Variants in DLG2 observed in about 807,000 individuals in gnomAD.
The protein encoded by DLG2 is discs large MAGUK scaffold protein 2, also known as disks large homolog 2.
Under a neutral mutation model 132.5 loss-of-function variants are expected in DLG2, and 45 were observed. The observed-to-expected ratio is 0.34, with a 90% CI of 0.27 to 0.44. The LOEUF (loss-of-function observed/expected upper bound fraction) is 0.44. DLG2 is among the 20% of genes least tolerant of loss of function. DLG2 has a pLI of 1.00. For missense variants in DLG2, 1,045 were observed against 1,196.9 expected (o/e 0.87, Z 1.87); for synonymous variants, 424 against 419.6 (o/e 1.01, Z -0.13).
chr11:83,771,606 G>A (rs967003973), intron 18 of DLG2, among the ~76,000 whole-genome samples: 3 of 152,088 alleles, frequency 2.0e-5, no homozygotes, highest in Non-Finnish European at 2.9e-5. Flanking sequence ...GTAACACAAC[G>A]TAAGTATTTG....
At chr11:83,821,082 C>G (rs1234705326) in intron 17 of DLG2, among the ~76,000 whole-genome samples, 2 of 152,170 alleles carry the variant, frequency 1.3e-5, no homozygotes, top group African/African-American at 2.4e-5. Context: ...GGGTTAGGTT[C>G]TGGGATGCAA....
At chr11:83,747,710 T>G (rs1349365103) in intron 18 of DLG2, among the ~76,000 whole-genome samples, 1 of 152,020 alleles carries the variant, frequency 6.6e-6, no homozygotes, top group Middle Eastern at 3.2e-3. Context: ...ATTTATTTTA[T>G]AAGCATATTT....
At chr11:84,676,579 A>C (rs1217683259) in intron 6 of DLG2, among the ~76,000 whole-genome samples, 23 of 152,082 alleles carry the variant, frequency 1.5e-4, no homozygotes, top group Non-Finnish European at 2.9e-5. Context: ...TTATACATAT[A>C]GAGCAGTTCT....
intron 8 of DLG2, among the ~76,000 whole-genome samples, chr11:84,192,748 A>T (rs2096437934): frequency 6.6e-6 from 1 of 151,382 alleles, no homozygotes; most frequent in African/African-American, 2.4e-5. Context: ...AAAAAATAAA[A>T]AAATAAAAGA....
chr11:84,098,089 C>T (rs1199872901), intron 10 of DLG2, among the ~76,000 whole-genome samples: 2 of 147,926 alleles, frequency 1.4e-5, no homozygotes, highest in African/African-American at 5.1e-5. Flanking sequence ...CACTCTGTCA[C>T]CCAGGCGGGA....
At chr11:84,009,970 T>C (rs1203099756) in intron 11 of DLG2, among the ~76,000 whole-genome samples, 1 of 152,236 alleles carries the variant, frequency 6.6e-6, no homozygotes, top group South Asian at 2.1e-4. Flanking sequence ...GCAAAGCCTT[T>C]CTTCCTAAGC....
At chr11:84,875,144 C>T (rs988158857) in intron 6 of DLG2, among the ~76,000 whole-genome samples, 8 of 151,398 alleles carry the variant, frequency 5.3e-5, no homozygotes, top group African/African-American at 1.2e-4. Context: ...GGGGCCAATT[C>T]GTGATATTAA....
At chr11:84,080,073 C>T (rs1483114471) in intron 10 of DLG2, among the ~76,000 whole-genome samples, 1 of 152,140 alleles carries the variant, frequency 6.6e-6, no homozygotes, top group Non-Finnish European at 1.5e-5. Flanking sequence ...AGGTTGATTA[C>T]CGTGTTGGGT....
At chr11:84,295,424 C>T (rs977999875) in intron 7 of DLG2, among the ~76,000 whole-genome samples, 109 of 152,226 alleles carry the variant, frequency 7.2e-4, no homozygotes, top group African/African-American at 2.5e-3. Context: ...TGCATCCAGG[C>T]TGCCACTTTT....
chr11:84,182,861 A>T (rs1222340409), intron 8 of DLG2, among the ~76,000 whole-genome samples: 1 of 149,680 alleles, frequency 6.7e-6, no homozygotes, highest in African/African-American at 2.5e-5. Context: ...AGGCTAATTA[A>T]GAAAAAAAAT....
intron 6 of DLG2, among the ~76,000 whole-genome samples, chr11:84,861,958 T>A (rs1566184555): frequency 1.4e-5 from 2 of 145,210 alleles, no homozygotes; most frequent in South Asian, 4.3e-4. Context: ...ACACCGCATA[T>A]TCTCACTCAC....
chr11:84,796,237 T>C (rs1440545686), intron 6 of DLG2, among the ~76,000 whole-genome samples: 2 of 152,204 alleles, frequency 1.3e-5, no homozygotes, highest in African/African-American at 4.8e-5. Flanking sequence ...CACTACTATG[T>C]ACCAACAAAA....
intron 7 of DLG2, among the ~76,000 whole-genome samples, chr11:84,396,255 A>G (rs1261593026): frequency 2.0e-5 from 3 of 152,198 alleles, no homozygotes; most frequent in African/African-American, 7.2e-5. Flanking sequence ...GCTACTCTAT[A>G]TATTCAAAGT....
chr11:84,712,855 A>T (rs1020152303), intron 6 of DLG2, among the ~76,000 whole-genome samples: 2 of 152,120 alleles, frequency 1.3e-5, no homozygotes, highest in African/African-American at 2.4e-5. Flanking sequence ...GTTCAGAGTT[A>T]GAGGTCATGA....
At chr11:85,113,076 T>G (rs1405946226) in intron 5 of DLG2, among the ~76,000 whole-genome samples, 7 of 152,158 alleles carry the variant, frequency 4.6e-5, no homozygotes, top group Non-Finnish European at 7.4e-5. Context: ...GATAAAGTCA[T>G]CATAAAAATA....
intron 6 of DLG2, among the ~76,000 whole-genome samples, chr11:84,564,600 C>G (rs1412907377): frequency 6.6e-6 from 1 of 152,174 alleles, no homozygotes; most frequent in African/African-American, 2.4e-5. Flanking sequence ...ATAATGTCGT[C>G]TAACTAATAT....
chr11:84,658,609 C>T (rs1006676426), intron 6 of DLG2, among the ~76,000 whole-genome samples: 1 of 152,020 alleles, frequency 6.6e-6, no homozygotes, highest in Non-Finnish European at 1.5e-5. Context: ...TGGTGATCTC[C>T]CCATGGTAAT....
At chr11:84,485,614 T>A (rs1290121555) in intron 7 of DLG2, among the ~76,000 whole-genome samples, 1 of 152,158 alleles carries the variant, frequency 6.6e-6, no homozygotes, top group Admixed American at 6.6e-5. Flanking sequence ...AGATTCCACA[T>A]CATTTGCCTG....
At chr11:84,712,530 C>G (rs990469310) in intron 6 of DLG2, among the ~76,000 whole-genome samples, 1 of 151,924 alleles carries the variant, frequency 6.6e-6, no homozygotes, top group Non-Finnish European at 1.5e-5. Context: ...TAGAAGCCTT[C>G]AACAACGTGT....
Sources: allele counts gnomAD v4.1 joint callset (sites outside exome capture counted in the v4.1 genomes callset), GRCh38; gene constraint gnomAD v4.1.1; transcripts MANE v1.5; gene names NCBI Gene and HGNC (gene_info 2026-07-23, HGNC 2026-07-21).